The following FNIP1 variants were observed in gnomAD, a reference collection of about 807,000 sequenced individuals.
The protein encoded by FNIP1 is folliculin-interacting protein 1.
A neutral mutation model predicts 124.5 loss-of-function variants in FNIP1; 40 were observed. That is an observed-to-expected ratio of 0.32 (90% CI 0.25 to 0.42). The LOEUF is 0.42. FNIP1 is among the 10% of genes least tolerant of loss of function. FNIP1 has a pLI of 1.00. For synonymous variants in FNIP1, 472 were observed against 470.6 expected (o/e 1.00, Z -0.04); for missense variants, 1,176 against 1,403.7 (o/e 0.84, Z 2.59).
intron 13 of FNIP1, among the ~76,000 whole-genome samples, chr5:131,673,651 C>T (rs1285437775): frequency 6.6e-6 from 1 of 152,134 alleles, no homozygotes; most frequent in African/African-American, 2.4e-5. Context: ...AGCACAATAT[C>T]CACTGGCTTG....
chr5:131,710,699 C>T lies in FNIP1; in HGVS notation c.623-38G>A, dbSNP rs774726855. ...AACGTAAAATACACATGAAAGAGGA[C>T]TGTTAGAGAAGCCACAATGCGTCAG... is the stretch of plus-strand genomic sequence containing the variant. On this transcript the variant is annotated intron_variant, in intron 6 of 17. Coordinates refer to ENST00000510461, the MANE Select transcript of FNIP1 (RefSeq NM_133372.3). 8.2e-6 allele frequency: 13 copies of T among 1,586,576 alleles called. No individual in the cohort carries two copies. The South Asian group carries it at 1.1e-4, about 14-fold the overall frequency.
intron 3 of FNIP1, among the ~76,000 whole-genome samples, chr5:131,725,741 G>C (rs868581771): frequency 6.6e-6 from 1 of 152,162 alleles, no homozygotes; most frequent in African/African-American, 2.4e-5. Flanking sequence ...ATGTTGAATA[G>C]GAGTGGTGAG....
chr5:131,781,260 T>C (rs992232700), intron 1 of FNIP1, among the ~76,000 whole-genome samples: 19 of 152,320 alleles, frequency 1.2e-4, no homozygotes, highest in African/African-American at 4.6e-4. Context: ...AACATAAAAT[T>C]ACAAGGTAAA....
chr5:131,652,034 C>A, intron 15 of FNIP1, 35 bp from the exon 16 acceptor site: 2 of 1,570,240 alleles, frequency 1.3e-6, no homozygotes, highest in South Asian at 1.2e-5. Flanking sequence ...TTATGTTTAG[C>A]AAATGAAGTT....
chr5:131,722,505 A>G (rs1769701021), intron 3 of FNIP1, among the ~76,000 whole-genome samples: 1 of 152,234 alleles, frequency 6.6e-6, no homozygotes, highest in East Asian at 1.9e-4. Context: ...ACCAGGATAT[A>G]CAGCTGCACA....
intron 11 of FNIP1, among the ~76,000 whole-genome samples, chr5:131,698,173 G>C (rs1768772124): frequency 1.3e-5 from 2 of 152,052 alleles, no homozygotes. Flanking sequence ...GATCACCAGA[G>C]GTAGTAAATG....
At chr5:131,722,755 G>A (rs369831941) in intron 3 of FNIP1, among the ~76,000 whole-genome samples, 4 of 152,028 alleles carry the variant, frequency 2.6e-5, no homozygotes, top group Non-Finnish European at 1.5e-5. Flanking sequence ...GCACAATCTC[G>A]GCTCACTGCA....
At chr5:131,749,551 C>T (rs530969523) in intron 1 of FNIP1, among the ~76,000 whole-genome samples, 4 of 152,134 alleles carry the variant, frequency 2.6e-5, no homozygotes, top group Admixed American at 1.3e-4. Flanking sequence ...GCCATCATGC[C>T]TGGCTAATTT....
At chr5:131,699,883 C>T (rs998495059) in intron 10 of FNIP1, among the ~76,000 whole-genome samples, 5 of 131,382 alleles carry the variant, frequency 3.8e-5, no homozygotes, top group African/African-American at 1.1e-4. Flanking sequence ...GCCACTGCTG[C>T]ACTCCAGCCT....
chr5:131,717,650 CTCTT>C (rs1349839375), intron 5 of FNIP1, among the ~76,000 whole-genome samples: 1 of 152,134 alleles, frequency 6.6e-6, no homozygotes, highest in African/African-American at 2.4e-5. Context: ...CTTTTAGTGT[CTCTT>C]TCAGGATAAG....
chr5:131,690,562 G>A (rs2149524814), intron 11 of FNIP1, among the ~76,000 whole-genome samples: 1 of 152,224 alleles, frequency 6.6e-6, no homozygotes, highest in South Asian at 2.1e-4. Context: ...TGTGAAGAAG[G>A]TGCCTTGCTT....
At chr5:131,754,708 C>T (rs1486098454) in intron 1 of FNIP1, among the ~76,000 whole-genome samples, 1 of 152,222 alleles carries the variant, frequency 6.6e-6, no homozygotes, top group Non-Finnish European at 1.5e-5. Flanking sequence ...CAGACATAAC[C>T]AGTTCAACAC....
chr5:131,746,787 T>G (rs188182145), intron 1 of FNIP1, among the ~76,000 whole-genome samples: 1 of 152,336 alleles, frequency 6.6e-6, no homozygotes, highest in South Asian at 2.1e-4. Context: ...TTTGGATATA[T>G]ACTCAGTAAT....
intron 1 of FNIP1, among the ~76,000 whole-genome samples, chr5:131,764,433 T>G (rs1447997172): frequency 1.3e-5 from 2 of 151,088 alleles, no homozygotes; most frequent in Non-Finnish European, 2.9e-5. Flanking sequence ...AGCCTCCCAG[T>G]AGATGGGACC....
chr5:131,730,101 A>G (rs1379884512), intron 3 of FNIP1, among the ~76,000 whole-genome samples: 3 of 152,190 alleles, frequency 2.0e-5, no homozygotes, highest in African/African-American at 7.2e-5. Context: ...GGTGTAAGTC[A>G]TGATGGTGTT....
chr5:131,749,431 C>T (rs1273432793), intron 1 of FNIP1, among the ~76,000 whole-genome samples: 3 of 145,504 alleles, frequency 2.1e-5, no homozygotes, highest in Non-Finnish European at 4.5e-5. Flanking sequence ...CTCAGTCTAT[C>T]GTCCAGGCTG....
chr5:131,677,396 T>C (rs1767942343), intron 13 of FNIP1, among the ~76,000 whole-genome samples: 1 of 152,258 alleles, frequency 6.6e-6, no homozygotes, highest in South Asian at 2.1e-4. Flanking sequence ...GTTGATTTAT[T>C]CTTTCTTGCA....
chr5:131,761,927 G>A (rs1771245181), intron 1 of FNIP1, among the ~76,000 whole-genome samples: 1 of 152,060 alleles, frequency 6.6e-6, no homozygotes, highest in African/African-American at 2.4e-5. Flanking sequence ...ACAGACCAAT[G>A]GAAGAGAATA....
intron 1 of FNIP1, among the ~76,000 whole-genome samples, chr5:131,748,191 C>A (rs528522437): frequency 6.6e-5 from 10 of 152,104 alleles, no homozygotes; most frequent in African/African-American, 2.4e-4. Flanking sequence ...TGGTCAACAA[C>A]AAACTGTATA....
Sources: allele counts gnomAD v4.1 joint callset (sites outside exome capture counted in the v4.1 genomes callset), GRCh38; gene constraint gnomAD v4.1.1; transcripts MANE v1.5; gene names NCBI Gene and HGNC (gene_info 2026-07-23, HGNC 2026-07-21).